The following TUBE1 variants were observed in gnomAD, a reference collection of about 807,000 sequenced individuals.
The protein encoded by TUBE1 is tubulin epsilon chain.
Under a neutral mutation model 53.5 loss-of-function variants are expected in TUBE1, and 34 were observed. The ratio of observed to expected loss-of-function variants is 0.64; its 90% CI spans 0.48 to 0.85. The LOEUF (loss-of-function observed/expected upper bound fraction) is 0.85, where lower values mean the gene tolerates loss of function less well. Ranked by LOEUF, TUBE1 falls within the 40% of genes least tolerant of loss-of-function variation. TUBE1 has a pLI of 0.00. For synonymous variants in TUBE1, 177 were observed against 198.4 expected, an observed-to-expected ratio of 0.89 and a Z score of 0.91; for missense variants, 532 against 570.5, an observed-to-expected ratio of 0.93 and a Z score of 0.69.
chr6:112,081,548 A>AT (rs1562605357), intron 4 of TUBE1, among the ~76,000 whole-genome samples: 3 of 152,156 alleles, frequency 2.0e-5, no homozygotes, highest in Non-Finnish European at 4.4e-5. Context: ...TACAGGATGC[A>AT]TGAATGTACT....
intron 9 of TUBE1, among the ~76,000 whole-genome samples, chr6:112,074,036 A>G (rs781947137): frequency 1.3e-5 from 2 of 152,188 alleles, no homozygotes; most frequent in African/African-American, 2.4e-5. Flanking sequence ...CACTGCACTC[A>G]GCCAATTTAG....
At chr6:112,075,839 C>T (rs1776955404) in intron 8 of TUBE1, 98 bp downstream of exon 8, 3 of 1,123,666 alleles carry the variant, frequency 2.7e-6, no homozygotes, top group Non-Finnish European at 3.7e-6. Flanking sequence ...ACAGAAGCAG[C>T]TTCTACAATT....
intron 3 of TUBE1, chr6:112,085,788 CT>C: frequency 2.2e-6 from 1 of 461,934 alleles, no homozygotes; most frequent in Non-Finnish European, 4.4e-6. Context: ...AGAATTTGGT[CT>C]TTGGTTAACC....
chr6:112,081,078 CT>C lies in TUBE1; in HGVS notation c.326+13del. On this transcript the variant is annotated intron_variant, in intron 5 of 11. Transcript: ENST00000368662. ...TTTCAGAAGATATTCAATTTTTACG[CT>C]GTGTATTCTCACCAATTATTTCCTG... 1 of 1,444,784 alleles carries C rather than the reference CT, an allele frequency of 6.9e-7. No homozygotes were observed. 89.5% of individuals were successfully genotyped at this position (1,444,784 alleles called of 1,614,324 possible).
intron 2 of TUBE1, 142 bp downstream of exon 2, chr6:112,087,091 G>A: frequency 1.4e-6 from 1 of 734,944 alleles, no homozygotes; most frequent in East Asian, 2.7e-5. Flanking sequence ...GACGCAACAT[G>A]TTTAAAAACC....
At chr6:112,084,113 T>G in intron 4 of TUBE1, 76 bp downstream of exon 4, 1 of 1,220,922 alleles carries the variant, frequency 8.2e-7, no homozygotes, top group Non-Finnish European at 1.2e-6. Context: ...TTTAAAGTTT[T>G]ATTCTCATGA....
Position 112,076,474 on chromosome 6 carries a change from C to T in TUBE1, c.484G>A (p.Val162Met), listed in dbSNP as rs782348179. The T allele has an allele frequency of 1.9e-5, 31 of 1,610,574 alleles. 1 individual carries two copies. The South Asian group carries it at 3.4e-4, about 18-fold the overall frequency. ...ACTTCTGGGAATTCGTCTTCAAGCA[C>T]CTTTAAAAGAAATGTGCCAAGTCCA... is the stretch of plus-strand genomic sequence containing the variant. ...GSGLGTFLLKVLEDEFPEVYR... is the reference protein window; with the variant it reads ...GSGLGTFLLKMLEDEFPEVYR... The change falls in exon 7 of 12, where the codon GTG becomes ATG. Residue 162 changes from valine (V) to methionine (M), a missense_variant. By Grantham distance (21) the Val-to-Met change is conservative. Coordinates refer to ENST00000368662, the MANE Select transcript of TUBE1 (RefSeq NM_016262.5).
At position 112,071,131 on chromosome 6, in the gene TUBE1, G is replaced by A. The variant is rs1776850574; in HGVS notation, c.*281C>T. The A allele has an allele frequency of 4.5e-6, 1 of 223,752 alleles. No individual in the cohort carries two copies. Among genetic ancestry groups the A allele is most frequent in the Non-Finnish European group, 8.7e-6 (1 of 115,306 alleles). The allele number at this position is 223,752 out of a possible 1,614,324, so 13.9% of individuals were successfully genotyped here. ...CATCAGTGCATAAATGCCTAAATAT[G>A]AGGCTATAAATACAGCAAAATATTC... On this transcript the variant is annotated 3_prime_UTR_variant, in exon 12 of 12. Coordinates refer to ENST00000368662, the MANE Select transcript of TUBE1 (RefSeq NM_016262.5).
Position 112,086,555 on chromosome 6 carries a change from C to A in TUBE1, c.152+1G>T, listed in dbSNP as rs1777160442. On this transcript the variant is annotated splice_donor_variant, in intron 3 of 11. Coordinates refer to ENST00000368662, the MANE Select transcript of TUBE1 (RefSeq NM_016262.5). LOFTEE classifies it high-confidence loss of function. ...TGTGACAGACTTTAATCCCATCTTACCTGGTGTCCACATTTCTAAAGAAGC... is the reference window on the plus strand; with the variant it reads ...TGTGACAGACTTTAATCCCATCTTAACTGGTGTCCACATTTCTAAAGAAGC... The A allele has an allele frequency of 6.2e-7, 1 of 1,611,914 alleles. No homozygotes were observed. The highest frequency in any genetic ancestry group is 8.5e-7 in the Non-Finnish European group (1 of 1,178,278).
intron 9 of TUBE1, among the ~76,000 whole-genome samples, 160 bp from the exon 10 acceptor site, chr6:112,073,058 TTTC>T (rs1211124527): frequency 2.6e-5 from 4 of 152,018 alleles, no homozygotes; most frequent in Admixed American, 2.0e-4. Flanking sequence ...TAACTATACT[TTTC>T]TTGAAGCAAT....
At chr6:112,084,457 A>G (rs1001883373) in intron 3 of TUBE1, among the ~76,000 whole-genome samples, 2 of 152,204 alleles carry the variant, frequency 1.3e-5, no homozygotes, top group Non-Finnish European at 2.9e-5. Flanking sequence ...CTTTGTAGTT[A>G]GGGCTGGCCA....
intron 8 of TUBE1, 54 bp from the exon 9 acceptor site, chr6:112,074,904 T>A: frequency 8.0e-7 from 1 of 1,253,924 alleles, no homozygotes; most frequent in Non-Finnish European, 1.1e-6. Flanking sequence ...TTATACACTT[T>A]AAATGTAGCT....
intron 6 of TUBE1, chr6:112,078,118 T>C (rs375816910): frequency 1.3e-5 from 2 of 151,596 alleles, no homozygotes; most frequent in South Asian, 2.1e-4. Context: ...TGTAGGGAAA[T>C]AGAAACTCAT....
chr6:112,079,403 T>C, intron 6 of TUBE1: 1 of 359,162 alleles, frequency 2.8e-6, no homozygotes, highest in Non-Finnish European at 4.8e-6. Flanking sequence ...TTCTGTTGAC[T>C]CTTAAGAGGG....
chr6:112,085,604 A>G (rs1458227047), intron 3 of TUBE1: 5 of 462,528 alleles, frequency 1.1e-5, no homozygotes, highest in African/African-American at 1.0e-4. Context: ...AATAAGAGGG[A>G]ATCTATAGTC....
intron 4 of TUBE1, among the ~76,000 whole-genome samples, chr6:112,083,404 GC>G (rs1287235543): frequency 4.0e-5 from 6 of 149,082 alleles, no homozygotes; most frequent in Admixed American, 6.8e-5. Flanking sequence ...TGCAGGCTCT[GC>G]CCCCCGGGGT....
At chr6:112,072,269 C>G (rs146635878) in intron 10 of TUBE1, among the ~76,000 whole-genome samples, 193 bp from the exon 11 acceptor site, 3 of 152,066 alleles carry the variant, frequency 2.0e-5, no homozygotes, top group Admixed American at 6.6e-5. Context: ...AACTAAGAGA[C>G]ATTTTGTAGG....
intron 6 of TUBE1, 21 bp downstream of exon 6, chr6:112,079,612 C>A: frequency 6.2e-7 from 1 of 1,610,344 alleles, no homozygotes. Flanking sequence ...CTGTTACAGG[C>A]AAATGAGTGA....
intron 9 of TUBE1, among the ~76,000 whole-genome samples, chr6:112,074,037 G>A (rs1214840127): frequency 6.6e-6 from 1 of 152,160 alleles, no homozygotes; most frequent in Non-Finnish European, 1.5e-5. Context: ...ACTGCACTCA[G>A]CCAATTTAGT....
Sources: gnomAD v4.1 joint callset for allele counts (sites outside exome capture counted in the v4.1 genomes callset) on GRCh38, gnomAD v4.1.1 for gene constraint, MANE v1.5 for transcripts, NCBI Gene and HGNC (gene_info 2026-07-23, HGNC 2026-07-21) for gene names.